EPB41L2: variants seen among roughly 807,000 people sequenced by gnomAD.
EPB41L2 encodes the protein band 4.1-like protein 2.
Under a neutral mutation model 113.0 loss-of-function variants are expected in EPB41L2, and 43 were observed. The ratio of observed to expected loss-of-function variants is 0.38; its 90% CI spans 0.30 to 0.49. The LOEUF is 0.49. Among genes scored for constraint, EPB41L2 ranks in the 20% least tolerant of loss-of-function variants. EPB41L2 has a pLI of 0.95. For synonymous variants in EPB41L2, 442 were observed against 436.7 expected (o/e 1.01, Z -0.15); for missense variants, 1,147 against 1,223.4 (o/e 0.94, Z 0.93).
chr6:131,013,460 G>A (rs1188193109), intron 1 of EPB41L2: 1 of 151,866 alleles, frequency 6.6e-6, no homozygotes, highest in Non-Finnish European at 1.5e-5. Context: ...ATCCAAATCA[G>A]CTAAAATACC....
intron 14 of EPB41L2, chr6:130,870,450 C>T: frequency 2.0e-6 from 3 of 1,468,856 alleles, no homozygotes; most frequent in Non-Finnish European, 1.9e-6. Flanking sequence ...CTGAAACAAA[C>T]ATCTGACACT....
At chr6:130,998,424 T>G (rs1783635605) in intron 1 of EPB41L2, among the ~76,000 whole-genome samples, 1 of 152,170 alleles carries the variant, frequency 6.6e-6, no homozygotes, top group South Asian at 2.1e-4. Flanking sequence ...AAGTAACACT[T>G]GCAAAACACT....
intron 1 of EPB41L2, among the ~76,000 whole-genome samples, chr6:130,997,117 G>A (rs1270939669): frequency 1.3e-5 from 2 of 152,128 alleles, no homozygotes; most frequent in African/African-American, 4.8e-5. Context: ...ACTCTGAGAA[G>A]CTTTCAGACA....
chr6:130,948,224 G>A (rs1813601936), intron 3 of EPB41L2, among the ~76,000 whole-genome samples: 1 of 152,178 alleles, frequency 6.6e-6, no homozygotes, highest in Non-Finnish European at 1.5e-5. Flanking sequence ...AAATCTTGGT[G>A]AATTAGAAGA....
chr6:130,846,939 T>C (rs1210305440), intron 19 of EPB41L2, among the ~76,000 whole-genome samples: 2 of 152,258 alleles, frequency 1.3e-5, no homozygotes, highest in Non-Finnish European at 2.9e-5. Flanking sequence ...TCCAGTTCAG[T>C]ATCCCCATTA....
In EPB41L2 at chr6:131,034,454, G is replaced by A. The variant is rs146928641; in HGVS notation, c.-15+28701C>T. Among the ~76,000 whole-genome samples the A allele has an allele frequency of 3.3e-3, 505 of 152,182 alleles. 2 individuals are homozygous for A. Among genetic ancestry groups the A allele is most frequent in the Non-Finnish European group, 4.2e-3 (287 of 67,984 alleles). On this transcript the variant is annotated intron_variant, in intron 1 of 19. Coordinates refer to ENST00000337057, the MANE Select transcript of EPB41L2 (RefSeq NM_001431.4). ...GAAACCTCGTATCTACAAAAAGTGC[G>A]AAAATTAGCCGGGGCTACAGTGAGC...
chr6:131,015,995 A>G (rs1788097494), intron 1 of EPB41L2, among the ~76,000 whole-genome samples: 1 of 152,246 alleles, frequency 6.6e-6, no homozygotes, highest in South Asian at 2.1e-4. Flanking sequence ...CAATAAAGCC[A>G]TCACTTTCTT....
intron 1 of EPB41L2, among the ~76,000 whole-genome samples, chr6:131,040,873 C>A (rs904220391): frequency 6.6e-6 from 1 of 152,024 alleles, no homozygotes; most frequent in Non-Finnish European, 1.5e-5. Flanking sequence ...AGAGTTTAGA[C>A]GAATGAATTA....
intron 11 of EPB41L2, among the ~76,000 whole-genome samples, chr6:130,888,422 C>T (rs1356442617): frequency 6.6e-6 from 1 of 152,164 alleles, no homozygotes; most frequent in East Asian, 1.9e-4. Context: ...TTTTCAGATA[C>T]AGACCTCCTG....
intron 3 of EPB41L2, among the ~76,000 whole-genome samples, chr6:130,954,040 C>CTTTCTTTCTTTTTTTTTTTTT (rs1816373036): frequency 1.5e-4 from 9 of 58,864 alleles, no homozygotes; most frequent in African/African-American, 2.1e-4. Flanking sequence ...CCTTTTCTTT[C>CTTTCTTTCTTTTTTTTTTTTT]TTTTTTTTTT....
intron 7 of EPB41L2, 62 bp downstream of exon 7, chr6:130,900,900 G>A (rs1289404241): frequency 9.7e-6 from 15 of 1,552,886 alleles, no homozygotes; most frequent in Admixed American, 6.8e-5. Flanking sequence ...TCTAGTAAGT[G>A]CTACAAGAGA....
At chr6:130,986,810 G>C (rs1780667029) in intron 1 of EPB41L2, among the ~76,000 whole-genome samples, 1 of 152,090 alleles carries the variant, frequency 6.6e-6, no homozygotes, top group Non-Finnish European at 1.5e-5. Flanking sequence ...CCACTGAACT[G>C]TATATTTTAA....
At chr6:130,928,535 G>A (rs1172344024) in intron 3 of EPB41L2, among the ~76,000 whole-genome samples, 1 of 152,236 alleles carries the variant, frequency 6.6e-6, no homozygotes, top group Admixed American at 6.5e-5. Context: ...TCAGTTCAAG[G>A]AGAAAACACG....
intron 1 of EPB41L2, among the ~76,000 whole-genome samples, chr6:130,974,924 A>T (rs1432291504): frequency 6.6e-6 from 1 of 151,324 alleles, no homozygotes; most frequent in African/African-American, 2.4e-5. Flanking sequence ...CACCTGGCTA[A>T]TTTTTGTTAT....
At chr6:131,024,513 C>T (rs926227734) in intron 1 of EPB41L2, among the ~76,000 whole-genome samples, 1 of 152,104 alleles carries the variant, frequency 6.6e-6, no homozygotes, top group African/African-American at 2.4e-5. Context: ...GGAGCACAAG[C>T]CAAAGCACCA....
intron 12 of EPB41L2, chr6:130,881,565 T>A (rs1179748673): frequency 6.6e-6 from 1 of 152,082 alleles, no homozygotes; most frequent in African/African-American, 2.4e-5. Context: ...ATTGGTAGGA[T>A]CCATAGAATA....
chr6:130,927,522 A>T (rs2128554567), intron 3 of EPB41L2, among the ~76,000 whole-genome samples: 1 of 152,246 alleles, frequency 6.6e-6, no homozygotes, highest in South Asian at 2.1e-4. Context: ...CCTCCTCCCC[A>T]GGTGCACTGA....
intron 1 of EPB41L2, among the ~76,000 whole-genome samples, chr6:131,028,142 G>C (rs781097587): frequency 2.0e-5 from 3 of 152,168 alleles, no homozygotes; most frequent in Non-Finnish European, 4.4e-5. Flanking sequence ...TACCAATCTA[G>C]AGCAACATCA....
chr6:130,916,680 G>A (rs2128528835), intron 4 of EPB41L2, among the ~76,000 whole-genome samples: 1 of 152,290 alleles, frequency 6.6e-6, no homozygotes, highest in East Asian at 1.9e-4. Context: ...CAAAAGAACA[G>A]TTTATCCCTA....
Sources: allele counts gnomAD v4.1 joint callset (sites outside exome capture counted in the v4.1 genomes callset), GRCh38; gene constraint gnomAD v4.1.1; transcripts MANE v1.5; gene names NCBI Gene and HGNC (gene_info 2026-07-23, HGNC 2026-07-21).